The following CPEB3 variants were observed in gnomAD, a reference collection of about 807,000 sequenced individuals.
The protein encoded by CPEB3 is cytoplasmic polyadenylation element-binding protein 3.
A neutral mutation model predicts 67.2 loss-of-function variants in CPEB3; 20 were observed. That is an observed-to-expected ratio of 0.30 (90% CI 0.21 to 0.43). The LOEUF (loss-of-function observed/expected upper bound fraction) is 0.43. Among genes scored for constraint, CPEB3 ranks in the 20% least tolerant of loss-of-function variants. The probability of loss-of-function intolerance (pLI) is 1.00; values close to 1 mark genes in which losing one functional copy is unlikely to be tolerated. For missense variants in CPEB3, 746 were observed against 968.6 expected, an observed-to-expected ratio of 0.77 and a Z score of 3.05; for synonymous variants, 376 against 393.1, an observed-to-expected ratio of 0.96 and a Z score of 0.51.
chr10:92,224,072 G>A (rs1850845040), intron 2 of CPEB3, among the ~76,000 whole-genome samples: 1 of 151,594 alleles, frequency 6.6e-6, no homozygotes, highest in Non-Finnish European at 1.5e-5. Context: ...GCCTAATTTT[G>A]TATTTTTAGT....
intron 9 of CPEB3, among the ~76,000 whole-genome samples, chr10:92,071,964 A>T (rs1021554768): frequency 3.3e-5 from 5 of 152,198 alleles, no homozygotes; most frequent in Admixed American, 6.5e-5. Flanking sequence ...AACAGAAAGA[A>T]TGTGTACAGG....
chr10:92,056,850 T>G (rs1219130258), intron 9 of CPEB3, among the ~76,000 whole-genome samples: 1 of 152,186 alleles, frequency 6.6e-6, no homozygotes, highest in South Asian at 2.1e-4. Flanking sequence ...GAAGAAAAAG[T>G]GGGAAGAGCT....
At chr10:92,201,771 A>G (rs1218602332) in intron 2 of CPEB3, among the ~76,000 whole-genome samples, 2 of 152,182 alleles carry the variant, frequency 1.3e-5, no homozygotes, top group African/African-American at 4.8e-5. Context: ...GCAGAAGTAC[A>G]TGTAGCTCCT....
intron 2 of CPEB3, among the ~76,000 whole-genome samples, chr10:92,214,751 G>A (rs1334727081): frequency 6.6e-6 from 1 of 152,042 alleles, no homozygotes; most frequent in African/African-American, 2.4e-5. Context: ...CTCTCAAAGT[G>A]CTGGGATTAC....
chr10:92,074,094 A>AT (rs72419060), intron 9 of CPEB3, among the ~76,000 whole-genome samples: 17,778 of 151,066 alleles, frequency 0.12, 1,264 homozygotes, highest in Admixed American at 0.21. Flanking sequence ...CTTTTTAACT[A>AT]TTTTTTTTTA....
rs1454105127 is a variant in CPEB3, at chr10:92,250,858, A to AG, written c.-11-10498_-11-10497insC. Among the ~76,000 whole-genome samples the AG allele has an allele frequency of 1.9e-3, 198 of 104,100 alleles. 12 individuals are homozygous for AG. Among genetic ancestry groups the AG allele is most frequent in the Admixed American group, 2.4e-3 (22 of 9,120 alleles). The allele number at this position is 104,100 out of a possible 152,430, so 68.3% of individuals were successfully genotyped here. ...GCGCCTGCCACCACACACACAGTTA[A>AG]TTTTTTTTTTTTTTTTTTTTTTTTT... On this transcript the variant is annotated intron_variant, in intron 1 of 9. Coordinates refer to ENST00000265997, the MANE Select transcript of CPEB3 (RefSeq NM_014912.5).
At chr10:92,141,324 C>T (rs1450257041) in intron 6 of CPEB3, among the ~76,000 whole-genome samples, 3 of 151,888 alleles carry the variant, frequency 2.0e-5, no homozygotes, top group Non-Finnish European at 4.4e-5. Flanking sequence ...AGTTCATGTC[C>T]TTTGTAGGGA....
At chr10:92,146,942 A>G (rs1364394211) in intron 4 of CPEB3, among the ~76,000 whole-genome samples, 1 of 152,156 alleles carries the variant, frequency 6.6e-6, no homozygotes, top group East Asian at 1.9e-4. Flanking sequence ...CATAGCCCAC[A>G]CTCAGTGAAT....
chr10:92,159,470 G>A (rs11186840), intron 4 of CPEB3, among the ~76,000 whole-genome samples: 47,808 of 151,728 alleles, frequency 0.32, 7,848 homozygotes, highest in Admixed American at 0.43. Flanking sequence ...TCAGGAGTTT[G>A]AGACCATCCT....
intron 9 of CPEB3, among the ~76,000 whole-genome samples, chr10:92,065,692 T>A (rs1047200674): frequency 1.8e-4 from 28 of 152,254 alleles, no homozygotes; most frequent in Admixed American, 1.6e-3. Context: ...TAAACTACAA[T>A]AGCTTCATTT....
At chr10:92,123,334 T>C (rs1845474539) in intron 6 of CPEB3, among the ~76,000 whole-genome samples, 1 of 152,134 alleles carries the variant, frequency 6.6e-6, no homozygotes, top group Admixed American at 6.5e-5. Flanking sequence ...GGGAGAGAAC[T>C]GGTCAAACTC....
intron 4 of CPEB3, among the ~76,000 whole-genome samples, chr10:92,167,185 A>G (rs1186118207): frequency 6.6e-6 from 1 of 152,200 alleles, no homozygotes; most frequent in Non-Finnish European, 1.5e-5. Context: ...TCAGGCCACT[A>G]AAACTTTCTC....
intron 8 of CPEB3, among the ~76,000 whole-genome samples, chr10:92,082,573 C>G (rs1418947382): frequency 6.6e-6 from 1 of 152,144 alleles, no homozygotes; most frequent in Non-Finnish European, 1.5e-5. Flanking sequence ...AGCCACCATG[C>G]CTGGCCTAAG....
At chr10:92,175,619 G>A (rs538202304) in intron 4 of CPEB3, among the ~76,000 whole-genome samples, 2 of 152,096 alleles carry the variant, frequency 1.3e-5, no homozygotes, top group Non-Finnish European at 2.9e-5. Flanking sequence ...AACTGAGAAA[G>A]GCCAGTAGGA....
intron 8 of CPEB3, among the ~76,000 whole-genome samples, chr10:92,089,127 A>C (rs1480744580): frequency 6.6e-6 from 1 of 152,222 alleles, no homozygotes; most frequent in Non-Finnish European, 1.5e-5. Flanking sequence ...ACTGTATTCA[A>C]CTTCAGCTTG....
chr10:92,221,590 C>A (rs1317420546), intron 2 of CPEB3, among the ~76,000 whole-genome samples: 1 of 152,114 alleles, frequency 6.6e-6, no homozygotes. Context: ...ATGTGGTATA[C>A]CCCCAAAATG....
chr10:92,228,779 T>A (rs1390006391), intron 2 of CPEB3, among the ~76,000 whole-genome samples: 1 of 151,634 alleles, frequency 6.6e-6, no homozygotes, highest in Admixed American at 6.6e-5. Context: ...AGTGGTGCAA[T>A]CTCGGCTCAC....
intron 2 of CPEB3, among the ~76,000 whole-genome samples, chr10:92,194,423 G>A (rs1271265435): frequency 6.6e-6 from 1 of 151,622 alleles, no homozygotes; most frequent in African/African-American, 2.4e-5. Context: ...TGGCGACATA[G>A]CAAGACTCCA....
chr10:92,157,538 A>C (rs1413948219), intron 4 of CPEB3, among the ~76,000 whole-genome samples: 1 of 152,182 alleles, frequency 6.6e-6, no homozygotes, highest in Non-Finnish European at 1.5e-5. Flanking sequence ...GCAAAAGAAC[A>C]CAAAAATTAC....
Sources: allele counts gnomAD v4.1 joint callset (sites outside exome capture counted in the v4.1 genomes callset), GRCh38; gene constraint gnomAD v4.1.1; transcripts MANE v1.5; gene names NCBI Gene and HGNC (gene_info 2026-07-23, HGNC 2026-07-21).